NAV1: variants seen among roughly 807,000 people sequenced by gnomAD.
NAV1 encodes pore membrane and/or filament interacting like protein 3.
NAV1 carries 18 observed loss-of-function variants against 175.2 expected under a neutral mutation model. That is an observed-to-expected ratio of 0.10 (90% confidence interval 0.07 to 0.15). The LOEUF (loss-of-function observed/expected upper bound fraction) is 0.15. Ranked by LOEUF, NAV1 falls within the 10% of genes least tolerant of loss-of-function variation. The probability of loss-of-function intolerance (pLI) is 1.00; values close to 1 mark genes in which losing one functional copy is unlikely to be tolerated. For missense variants in NAV1, 1,731 were observed against 2,436.6 expected (o/e 0.71, Z 6.10); for synonymous variants, 897 against 978.7 (o/e 0.92, Z 1.56).
Position 201,626,647 on chromosome 1 carries a change from A to C in NAV1, c.-100-2757A>C, listed in dbSNP as rs114422775. Among the ~76,000 whole-genome samples, 676 of 152,284 alleles carry C rather than the reference A, an allele frequency of 4.4e-3. 2 individuals carry two copies. Among genetic ancestry groups the C allele is most frequent in the African/African-American group, 0.015 (642 of 41,568 alleles). On this transcript the variant is annotated intron_variant, in intron 1 of 29. Coordinates refer to the NAV1 transcript ENST00000367302. ...AAGAGAGCCACAGCAGCTTCACCAC[A>C]GCCCTTGCTGACTTTTCCCAACTGC...
chr1:201,604,701 G>A (rs1667622886), intron 2 of NAV1, among the ~76,000 whole-genome samples: 3 of 127,744 alleles, frequency 2.3e-5, no homozygotes, highest in African/African-American at 3.1e-5. Flanking sequence ...AAAAGAAGAA[G>A]AAAGAAAGAG....
At chr1:201,542,420 T>A (rs967569601) in intron 1 of NAV1, among the ~76,000 whole-genome samples, 6 of 152,098 alleles carry the variant, frequency 3.9e-5, no homozygotes, top group Non-Finnish European at 8.8e-5. Flanking sequence ...ACACAAAAAA[T>A]AATAATTAAA....
chr1:201,703,994 G>T (rs1446545050), intron 1 of NAV1, among the ~76,000 whole-genome samples: 1 of 152,198 alleles, frequency 6.6e-6, no homozygotes, highest in African/African-American at 2.4e-5. Context: ...GAGCAGAAAG[G>T]CCAGCTGGAG....
At chr1:201,647,541 A>G (rs1490708043), upstream of NAV1, among the ~76,000 whole-genome samples, 1 of 152,098 alleles carries the variant, frequency 6.6e-6, no homozygotes, top group East Asian at 1.9e-4. Flanking sequence ...ATTGGAATAG[A>G]AACCCAGTTT....
intron 1 of NAV1, among the ~76,000 whole-genome samples, chr1:201,626,202 C>T (rs1233146206): frequency 6.6e-6 from 1 of 152,244 alleles, no homozygotes; most frequent in African/African-American, 2.4e-5. Flanking sequence ...CTGGGCCACC[C>T]TTCAAAGCTT....
chr1:201,540,338 C>A (rs939334224), intron 1 of NAV1, among the ~76,000 whole-genome samples: 1 of 152,194 alleles, frequency 6.6e-6, no homozygotes, highest in African/African-American at 2.4e-5. Context: ...GTTTATCTGG[C>A]TTCCTGTTTC....
upstream of NAV1, among the ~76,000 whole-genome samples, chr1:201,643,678 G>T (rs1189322097): frequency 6.6e-6 from 1 of 152,104 alleles, no homozygotes; most frequent in Non-Finnish European, 1.5e-5. Context: ...CTCCCAAAGT[G>T]CTGGGATTAC....
intron 1 of NAV1, among the ~76,000 whole-genome samples, chr1:201,700,783 G>T (rs541185595): frequency 6.6e-6 from 1 of 151,930 alleles, no homozygotes; most frequent in African/African-American, 2.4e-5. Flanking sequence ...AGGCCGAGGC[G>T]GGTGGATCAC....
chr1:201,737,079 C>T (rs1328854479), intron 3 of NAV1, among the ~76,000 whole-genome samples: 1 of 152,092 alleles, frequency 6.6e-6, no homozygotes, highest in Non-Finnish European at 1.5e-5. Flanking sequence ...CCCCTTCAAG[C>T]GCAGAAGCTC....
chr1:201,775,711 A>G (rs191362834), intron 3 of NAV1, among the ~76,000 whole-genome samples: 6 of 152,320 alleles, frequency 3.9e-5, no homozygotes, highest in Admixed American at 2.0e-4. Context: ...GTATCCTTGA[A>G]AGAAAGAACA....
At chr1:201,664,970 G>A (rs1468935937) in intron 1 of NAV1, among the ~76,000 whole-genome samples, 2 of 152,190 alleles carry the variant, frequency 1.3e-5, no homozygotes, top group Non-Finnish European at 2.9e-5. Flanking sequence ...CTGCCTGTGT[G>A]TGCCAAGCTT....
At chr1:201,767,450 C>T (rs1675283747) in intron 3 of NAV1, among the ~76,000 whole-genome samples, 1 of 135,338 alleles carries the variant, frequency 7.4e-6, no homozygotes, top group Non-Finnish European at 1.6e-5. Context: ...GACTCCGCCT[C>T]AAAAAAAATA....
chr1:201,539,357 C>G lies in NAV1; in HGVS notation c.-144+15C>G, dbSNP rs374224043. 2.0e-5 allele frequency among the ~76,000 whole-genome samples: 3 copies of G among 151,876 alleles called. No individual in the cohort carries two copies. Among genetic ancestry groups the G allele is most frequent in the Non-Finnish European group, 4.4e-5 (3 of 67,934 alleles). ...CAGGCGCTCCGGTGAGTGGCCGGCG[C>G]GGGGCGGTCGCGCGGTCGCGGCGCT... On this transcript the variant is annotated intron_variant, in intron 1 of 33. Coordinates refer to the NAV1 transcript ENST00000685211. The surrounding 1 kb of genome is among the most constrained non-coding windows in gnomAD (Gnocchi z 5.6).
chr1:201,539,224 G>A lies in NAV1; in HGVS notation c.-262G>A, dbSNP rs1036951662. ...GGTGCGAGGGGCCGAGGCGGCCTGG[G>A]GAGCCCCGGGAAACTTTGTGCTCGC... On this transcript the variant is annotated 5_prime_UTR_variant, in exon 1 of 34. Transcript: ENST00000685211. This position sits in a 1 kb window ranked among gnomAD's most constrained non-coding sequence, Gnocchi z 5.6. 6.6e-6 allele frequency among the ~76,000 whole-genome samples: 1 copy of A among 152,186 alleles called. No homozygotes were observed. Among genetic ancestry groups the A allele is most frequent in the Non-Finnish European group, 1.5e-5 (1 of 68,018 alleles).
chr1:201,789,621 T>C (rs1571495815), intron 10 of NAV1, 119 bp from the exon 15 acceptor site: 3 of 922,868 alleles, frequency 3.3e-6, no homozygotes, highest in Non-Finnish European at 1.8e-6. Flanking sequence ...CTCTGTTCTT[T>C]CTGTTTGCTC....
intron 2 of NAV1, among the ~76,000 whole-genome samples, chr1:201,610,618 C>T (rs1414933786): frequency 3.9e-5 from 6 of 152,276 alleles, no homozygotes; most frequent in East Asian, 1.9e-4. Context: ...AGGTGCAGGA[C>T]GCCCTGTCTG....
chr1:201,668,245 C>T (rs1669902843), intron 1 of NAV1, among the ~76,000 whole-genome samples: 1 of 152,192 alleles, frequency 6.6e-6, no homozygotes, highest in Non-Finnish European at 1.5e-5. Flanking sequence ...CATCCCTCCG[C>T]CTCCTGCCAC....
exon 30 of NAV1, chr1:201,824,557 G>GA (rs1185223728): frequency 6.6e-6 from 1 of 152,118 alleles, no homozygotes; most frequent in Non-Finnish European, 1.5e-5. Flanking sequence ...TAGTAACCCA[G>GA]AAGATGTAGC....
intron 1 of NAV1, among the ~76,000 whole-genome samples, chr1:201,587,053 A>G (rs1273756144): frequency 6.6e-6 from 1 of 152,130 alleles, no homozygotes; most frequent in African/African-American, 2.4e-5. Flanking sequence ...TCTACAAAAA[A>G]TACAAAAATT....
Sources: gnomAD v4.1 joint callset for allele counts (sites outside exome capture counted in the v4.1 genomes callset) on GRCh38, gnomAD v4.1.1 for gene constraint, Gnocchi (gnomAD v3.1) non-coding constraint, MANE v1.5 for transcripts, NCBI Gene and HGNC (gene_info 2026-07-23, HGNC 2026-07-21) for gene names.